PRKAR1A: variants seen among roughly 807,000 people sequenced by gnomAD.
PRKAR1A encodes the protein protein kinase cAMP-dependent type I regulatory subunit alpha.
PRKAR1A carries 3 observed loss-of-function variants against 52.0 expected under a neutral mutation model. The observed-to-expected ratio is 0.06, with a 90% confidence interval of 0.03 to 0.15. The LOEUF is 0.15. PRKAR1A is among the 10% of genes least tolerant of loss of function. The pLI is 1.00. For synonymous variants in PRKAR1A, 188 were observed against 168.4 expected, an observed-to-expected ratio of 1.12 and a Z score of -0.90; for missense variants, 240 against 477.4, an observed-to-expected ratio of 0.50 and a Z score of 4.63.
At chr17:68,529,373 GTGTT>G (rs1348069493) in intron 9 of PRKAR1A, among the ~76,000 whole-genome samples, 4 of 152,182 alleles carry the variant, frequency 2.6e-5, no homozygotes, top group African/African-American at 7.2e-5. Flanking sequence ...AAAAATTACT[GTGTT>G]TGTATATCTC....
chr17:68,493,009 T>G, the PRKAR1A span, among the ~76,000 whole-genome samples: 2 of 152,206 alleles, frequency 1.3e-5, no homozygotes, highest in Non-Finnish European at 2.9e-5. Flanking sequence ...ATGATTTATA[T>G]TCCTTTGGGT....
Position 68,533,201 on chromosome 17 carries a change from T to G in PRKAR1A, c.*2752T>G. The G allele has an allele frequency of 9.5e-7, 1 of 1,057,358 alleles. No individual in the cohort carries two copies. The highest frequency in any genetic ancestry group is 5.0e-5 in the East Asian group (1 of 19,834). 65.5% of individuals were successfully genotyped at this position (1,057,358 alleles called of 1,614,324 possible). A position where few individuals can be genotyped will look rare whatever the true frequency, so the allele number is the denominator to read the frequency against. ...ATATAAAGCCTCATATATAAAGCCT[T>G]ATTTCTGATGCTCTTAGATTTCTGA... On this transcript the variant is annotated 3_prime_UTR_variant, in exon 11 of 11. Coordinates refer to ENST00000589228, the MANE Select transcript of PRKAR1A (RefSeq NM_002734.5).
chr17:68,521,827 T>C (rs1157591873), intron 2 of PRKAR1A, among the ~76,000 whole-genome samples: 7 of 152,182 alleles, frequency 4.6e-5, no homozygotes, highest in African/African-American at 1.7e-4. Context: ...AAATAACGGG[T>C]CAAATGAATG....
intron 11 of PRKAR1A, among the ~76,000 whole-genome samples, chr17:68,546,723 G>T (rs560862883): frequency 3.9e-5 from 6 of 152,026 alleles, no homozygotes; most frequent in Middle Eastern, 3.4e-3. Context: ...CCAGCCACTC[G>T]GGAGGCTGAG....
chr17:68,532,884 G>C lies in PRKAR1A; in HGVS notation c.*2435G>C. ...GGGGAAAGTGAATTATGGGATCGGTGTTTTGAAAGAGCAATGTTTATTTTC... is the reference window on the plus strand; with the variant it reads ...GGGGAAAGTGAATTATGGGATCGGTCTTTTGAAAGAGCAATGTTTATTTTC... On this transcript the variant is annotated 3_prime_UTR_variant, in exon 11 of 11. Coordinates refer to ENST00000589228, the MANE Select transcript of PRKAR1A (RefSeq NM_002734.5). 9.4e-7 allele frequency: 1 copy of C among 1,066,222 alleles called. No individual in the cohort carries two copies. Among genetic ancestry groups the C allele is most frequent in the Non-Finnish European group, 1.1e-6 (1 of 879,754 alleles). 66.0% of individuals were successfully genotyped at this position (1,066,222 alleles called of 1,614,324 possible). A position where few individuals can be genotyped will look rare whatever the true frequency, so the allele number is the denominator to read the frequency against.
At chr17:68,486,519 T>C in the PRKAR1A span, among the ~76,000 whole-genome samples, 446 of 75,270 alleles carry the variant, frequency 5.9e-3, 1 homozygote, top group Non-Finnish European at 8.2e-3. Flanking sequence ...CTTTCTTTCT[T>C]TCTTTCTTTC....
the PRKAR1A span, among the ~76,000 whole-genome samples, chr17:68,470,186 G>A: frequency 1.3e-5 from 2 of 151,710 alleles, no homozygotes; most frequent in African/African-American, 4.8e-5. Context: ...AGGTTCAAGT[G>A]ATTCTCCTGC....
intron 2 of PRKAR1A, among the ~76,000 whole-genome samples, chr17:68,517,809 C>G (rs778744140): frequency 6.6e-6 from 1 of 152,178 alleles, no homozygotes; most frequent in Non-Finnish European, 1.5e-5. Flanking sequence ...AGCATTAACT[C>G]AAAAGTTCAA....
the PRKAR1A span, among the ~76,000 whole-genome samples, chr17:68,493,392 T>C: frequency 1.3e-5 from 2 of 152,090 alleles, no homozygotes; most frequent in African/African-American, 4.8e-5. Context: ...TGCTGTGTAA[T>C]ATTTTTTAAA....
chr17:68,444,375 A>G, the PRKAR1A span: 1 of 878,286 alleles, frequency 1.1e-6, no homozygotes, highest in South Asian at 1.5e-5. Flanking sequence ...GATAAACCTC[A>G]CTAAGACTCA....
intron 2 of PRKAR1A, among the ~76,000 whole-genome samples, chr17:68,518,816 T>A (rs1397397383): frequency 6.6e-6 from 1 of 152,216 alleles, no homozygotes; most frequent in African/African-American, 2.4e-5. Context: ...AGGCTGCAAA[T>A]TTTTCAAGCT....
chr17:68,473,543 G>C, the PRKAR1A span, among the ~76,000 whole-genome samples: 3 of 151,720 alleles, frequency 2.0e-5, no homozygotes, highest in Non-Finnish European at 4.4e-5. Flanking sequence ...ATTTATTTGA[G>C]ACAGAGTCTC....
chr17:68,481,203 G>A, the PRKAR1A span, among the ~76,000 whole-genome samples: 1 of 152,286 alleles, frequency 6.6e-6, no homozygotes, highest in East Asian at 1.9e-4. Flanking sequence ...TAAAACCGCA[G>A]TCCCCAACCT....
chr17:68,443,667 T>C, the PRKAR1A span, among the ~76,000 whole-genome samples: 1 of 152,214 alleles, frequency 6.6e-6, no homozygotes, highest in East Asian at 1.9e-4. Context: ...CAGATAGATC[T>C]TGAAATTCAG....
At chr17:68,457,232 C>T in the PRKAR1A span, 295 of 1,345,184 alleles carry the variant, frequency 2.2e-4, 1 homozygote, top group Non-Finnish European at 2.9e-4. Flanking sequence ...CACCGGCCCT[C>T]CCGCCGAGGC....
chr17:68,435,597 G>A, the PRKAR1A span: 3 of 1,611,254 alleles, frequency 1.9e-6, no homozygotes, highest in South Asian at 2.2e-5. Context: ...CCCAGACAGA[G>A]GTGTTGGTGG....
At chr17:68,420,468 C>A in the PRKAR1A span, 3 of 1,603,588 alleles carry the variant, frequency 1.9e-6, no homozygotes, top group Non-Finnish European at 2.6e-6. Context: ...GCATAACAGA[C>A]CAATTTTTAT....
intron 6 of PRKAR1A, 67 bp downstream of exon 6, chr17:68,525,025 T>C: frequency 2.3e-6 from 3 of 1,311,444 alleles, no homozygotes; most frequent in Non-Finnish European, 2.2e-6. Flanking sequence ...TTCCGAGCAA[T>C]AAGAATAGTG....
the PRKAR1A span, chr17:68,441,209 CCT>C: frequency 2.0e-5 from 3 of 152,324 alleles, no homozygotes; most frequent in African/African-American, 4.8e-5. Context: ...ACTTCGAGCC[CCT>C]GTCTGGCCAA....
Sources: allele counts gnomAD v4.1 joint callset (sites outside exome capture counted in the v4.1 genomes callset), GRCh38; gene constraint gnomAD v4.1.1; transcripts MANE v1.5; gene names NCBI Gene and HGNC (gene_info 2026-07-23, HGNC 2026-07-21).